CSMD1: variants seen among roughly 807,000 people sequenced by gnomAD.
CSMD1 encodes CUB and sushi domain-containing protein 1.
Under a neutral mutation model 417.5 loss-of-function variants are expected in CSMD1, and 213 were observed. The ratio of observed to expected loss-of-function variants is 0.51; its 90% CI spans 0.46 to 0.57. The LOEUF (loss-of-function observed/expected upper bound fraction) is 0.57. Ranked by LOEUF, CSMD1 falls within the 20% of genes least tolerant of loss-of-function variation. The pLI, the probability that CSMD1 is intolerant of heterozygous loss-of-function variation, is 0.00. For synonymous variants in CSMD1, 2,862 were observed against 1,736.8 expected (o/e 1.65, Z -16.11); for missense variants, 6,923 against 4,529.7 (o/e 1.53, Z -15.17).
At chr8:3,317,920 C>A (rs550848755) in intron 23 of CSMD1, among the ~76,000 whole-genome samples, 1 of 152,176 alleles carries the variant, frequency 6.6e-6, no homozygotes, top group Non-Finnish European at 1.5e-5. Context: ...AAGCGATCCT[C>A]CCACCTTAGC....
Position 4,775,674 on chromosome 8 carries a change from G to C in CSMD1, c.86-138116C>G, listed in dbSNP as rs114787479. ...AACATCATCTTATGCTGTTTAAGAGGAAAGACTGCTGGACCAAGGCAGCGT... is the reference window on the plus strand; with the variant it reads ...AACATCATCTTATGCTGTTTAAGAGCAAAGACTGCTGGACCAAGGCAGCGT... On this transcript the variant is annotated intron_variant, in intron 1 of 69. Transcript: ENST00000635120. Among the ~76,000 whole-genome samples, 439 of 152,222 alleles carry C rather than the reference G, an allele frequency of 2.9e-3. 3 individuals are homozygous for C. Among genetic ancestry groups the C allele is most frequent in the African/African-American group, 0.01 (419 of 41,546 alleles).
intron 7 of CSMD1, among the ~76,000 whole-genome samples, chr8:3,627,169 A>G (rs10108533): frequency 0.27 from 40,917 of 151,968 alleles, 5,789 homozygotes; most frequent in East Asian, 0.55. Context: ...TGTGCAGTGC[A>G]ATTTCACCCT....
At chr8:4,888,379 ATATATG>A (rs1803889048) in intron 1 of CSMD1, among the ~76,000 whole-genome samples, 1 of 151,832 alleles carries the variant, frequency 6.6e-6, no homozygotes. Context: ...AAATGAGGAG[ATATATG>A]TATATTTTCT....
chr8:3,892,354 G>A (rs145828913), intron 5 of CSMD1, among the ~76,000 whole-genome samples: 33 of 152,194 alleles, frequency 2.2e-4, no homozygotes, highest in African/African-American at 7.5e-4. Context: ...GAAGACGTGT[G>A]GGGAACGTAT....
intron 6 of CSMD1, among the ~76,000 whole-genome samples, chr8:3,749,421 T>C (rs1466897544): frequency 2.0e-5 from 3 of 152,224 alleles, no homozygotes; most frequent in Non-Finnish European, 4.4e-5. Context: ...CAAGCAACCT[T>C]ACTACTGCTT....
chr8:3,128,516 A>AG lies in CSMD1; in HGVS notation c.6242-9930dup, dbSNP rs1817629374. 1.2e-5 allele frequency: 3 copies of AG among 257,616 alleles called. 1 individual carries two copies. In the South Asian group the frequency reaches 1.3e-4, roughly 11 times the overall value. The allele number at this position is 257,616 out of a possible 1,614,324, so 16.0% of individuals were successfully genotyped here. A position where few individuals can be genotyped will look rare whatever the true frequency, so the allele number is the denominator to read the frequency against. ...CTCTGTATGATTTATGCATCTTCTTAGGAGTTATTAATTATAAGCTTAGCT... is the reference window on the plus strand; with the variant it reads ...CTCTGTATGATTTATGCATCTTCTTAGGGAGTTATTAATTATAAGCTTAGCT... On this transcript the variant is annotated intron_variant, in intron 41 of 69. Transcript: ENST00000635120.
chr8:4,529,048 T>TA (rs929028096), intron 2 of CSMD1, among the ~76,000 whole-genome samples: 2 of 152,048 alleles, frequency 1.3e-5, no homozygotes, highest in African/African-American at 2.4e-5. Context: ...GGTGTTTTTT[T>TA]AAAAAATGAT....
chr8:4,334,189 G>A (rs989030791), intron 3 of CSMD1, among the ~76,000 whole-genome samples: 4 of 152,090 alleles, frequency 2.6e-5, no homozygotes, highest in African/African-American at 7.2e-5. Flanking sequence ...TTACAGGTGT[G>A]AGCCACCATG....
chr8:4,235,519 G>C (rs1297773266), intron 3 of CSMD1, among the ~76,000 whole-genome samples: 2 of 151,940 alleles, frequency 1.3e-5, no homozygotes, highest in Non-Finnish European at 2.9e-5. Flanking sequence ...CTAAGTAATG[G>C]TACATACATG....
intron 7 of CSMD1, among the ~76,000 whole-genome samples, chr8:3,623,544 A>C (rs890151204): frequency 6.6e-6 from 1 of 152,232 alleles, no homozygotes; most frequent in Non-Finnish European, 1.5e-5. Flanking sequence ...AATGATACAA[A>C]ATTAAGCTTA....
intron 26 of CSMD1, among the ~76,000 whole-genome samples, chr8:3,281,174 G>A (rs536810741): frequency 6.6e-6 from 1 of 152,262 alleles, no homozygotes; most frequent in South Asian, 2.1e-4. Flanking sequence ...TGGGCGAGGT[G>A]GCTCACGCCT....
At chr8:4,796,304 G>A (rs1187958673) in intron 1 of CSMD1, among the ~76,000 whole-genome samples, 1 of 151,964 alleles carries the variant, frequency 6.6e-6, no homozygotes, top group Non-Finnish European at 1.5e-5. Flanking sequence ...GCATTCCATG[G>A]AGATGAGATG....
chr8:3,959,442 T>C (rs746914250), intron 5 of CSMD1, among the ~76,000 whole-genome samples: 1 of 152,164 alleles, frequency 6.6e-6, no homozygotes, highest in Non-Finnish European at 1.5e-5. Flanking sequence ...GAGGTTGCAG[T>C]GAGCCAAGAT....
intron 43 of CSMD1, among the ~76,000 whole-genome samples, chr8:3,109,358 C>A (rs557139653): frequency 2.0e-5 from 3 of 152,314 alleles, no homozygotes; most frequent in Middle Eastern, 3.4e-3. Context: ...GCATGGCCAA[C>A]CACAGAATGC....
At chr8:4,443,087 T>C (rs1462917544) in intron 2 of CSMD1, among the ~76,000 whole-genome samples, 1 of 152,176 alleles carries the variant, frequency 6.6e-6, no homozygotes. Context: ...GGTATCTGCC[T>C]TTACTTTCTG....
chr8:3,083,649 T>TATATA (rs58461366), intron 49 of CSMD1, among the ~76,000 whole-genome samples: 87 of 11,134 alleles, frequency 7.8e-3, no homozygotes, highest in South Asian at 0.027. Flanking sequence ...TATATATATA[T>TATATA]TTTTTTTTTT....
At chr8:3,722,241 G>A (rs1334019105) in intron 6 of CSMD1, among the ~76,000 whole-genome samples, 2 of 152,134 alleles carry the variant, frequency 1.3e-5, no homozygotes, top group South Asian at 2.1e-4. Context: ...CAGGGAGGCA[G>A]AGATTGCAGT....
intron 3 of CSMD1, among the ~76,000 whole-genome samples, chr8:4,201,260 C>T (rs907464642): frequency 6.6e-5 from 10 of 152,044 alleles, no homozygotes; most frequent in Non-Finnish European, 1.5e-4. Flanking sequence ...AATTCAGGGC[C>T]GGGCGCAGTG....
intron 26 of CSMD1, among the ~76,000 whole-genome samples, chr8:3,234,543 C>G (rs763267351): frequency 2.2e-4 from 33 of 152,038 alleles, no homozygotes; most frequent in Non-Finnish European, 2.6e-4. Flanking sequence ...GGAAAGAGAG[C>G]GGGAATGACA....
Sources: allele counts gnomAD v4.1 joint callset (sites outside exome capture counted in the v4.1 genomes callset), GRCh38; gene constraint gnomAD v4.1.1; transcripts MANE v1.5; gene names NCBI Gene and HGNC (gene_info 2026-07-23, HGNC 2026-07-21).